SYT1: variants seen among roughly 807,000 people sequenced by gnomAD.
SYT1 encodes synaptotagmin 1, also known as synaptotagmin-1.
In SYT1, 8 loss-of-function variants were observed where a neutral mutation model predicts 44.8. The ratio of observed to expected loss-of-function variants is 0.18; its 90% CI spans 0.10 to 0.32. SYT1 has a LOEUF of 0.32. SYT1 is among the 10% of genes least tolerant of loss of function. The pLI is 1.00. For missense variants in SYT1, 286 were observed against 509.3 expected (o/e 0.56, Z 4.22); for synonymous variants, 154 against 188.8 (o/e 0.82, Z 1.51).
intron 4 of SYT1, among the ~76,000 whole-genome samples, chr12:79,227,206 TAATTTTTTTAAATTAAGGCTTA>T (rs762978383): frequency 4.3e-4 from 65 of 152,300 alleles, no homozygotes; most frequent in Non-Finnish European, 8.1e-4. Flanking sequence ...ATCCAGGCCT[TAATTTTTTTAAATTAAGGCTTA>T]AATTTTTTTT....
intron 2 of SYT1, among the ~76,000 whole-genome samples, chr12:78,987,693 C>A (rs987608885): frequency 2.0e-5 from 3 of 151,996 alleles, no homozygotes; most frequent in African/African-American, 7.2e-5. Flanking sequence ...TATAAAAAAA[C>A]CCTAAAAAGC....
intron 4 of SYT1, among the ~76,000 whole-genome samples, chr12:79,250,230 A>G (rs1877116148): frequency 6.6e-6 from 1 of 152,208 alleles, no homozygotes; most frequent in African/African-American, 2.4e-5. Context: ...CTTTTATAGA[A>G]GTCCTTCCAG....
chr12:79,444,296 C>T (rs2136202234), intron 10 of SYT1, 90 bp downstream of exon 10: 1 of 1,440,080 alleles, frequency 6.9e-7, no homozygotes, highest in African/African-American at 1.4e-5. Flanking sequence ...GTTATCAGTG[C>T]ACATGCCTTC....
intron 3 of SYT1, among the ~76,000 whole-genome samples, chr12:79,057,809 A>G (rs1054814661): frequency 3.9e-5 from 6 of 151,958 alleles, no homozygotes; most frequent in African/African-American, 1.4e-4. Flanking sequence ...TTACAATTAG[A>G]CACAGAAACC....
chr12:79,311,874 G>C (rs1358882965), intron 8 of SYT1, among the ~76,000 whole-genome samples: 23 of 105,006 alleles, frequency 2.2e-4, no homozygotes, highest in African/African-American at 8.0e-4. Flanking sequence ...GTTGTGGGGT[G>C]GGGGGAGGGG....
rs566515890 is a variant in SYT1, at chr12:79,361,055, T to C, written c.928+7436T>C. On this transcript the variant is annotated intron_variant, in intron 9 of 10. Coordinates refer to ENST00000261205, the MANE Select transcript of SYT1 (RefSeq NM_005639.3). Reference sequence around the variant, plus strand: ...GTTAGCCCAAAAACTCCTAAGTAGATTCTTTAGCCAGCAGGTATATATCCA... The same window carrying C: ...GTTAGCCCAAAAACTCCTAAGTAGACTCTTTAGCCAGCAGGTATATATCCA... Among the ~76,000 whole-genome samples the C allele has an allele frequency of 4.6e-5, 7 of 152,210 alleles. No individual in the cohort carries two copies. The South Asian group carries it at 1.4e-3, about 31-fold the overall frequency.
At chr12:79,320,075 A>G (rs1355201932) in intron 8 of SYT1, among the ~76,000 whole-genome samples, 3 of 152,208 alleles carry the variant, frequency 2.0e-5, no homozygotes, top group African/African-American at 7.2e-5. Context: ...TCATAATGCA[A>G]TATAAGCTCT....
intron 2 of SYT1, among the ~76,000 whole-genome samples, chr12:78,988,968 A>G (rs953846804): frequency 5.3e-5 from 8 of 152,116 alleles, no homozygotes; most frequent in African/African-American, 1.2e-4. Context: ...TACACTACTG[A>G]GAAATTAATA....
intron 3 of SYT1, among the ~76,000 whole-genome samples, chr12:79,070,088 A>G (rs1301149131): frequency 6.6e-6 from 1 of 152,168 alleles, no homozygotes; most frequent in Non-Finnish European, 1.5e-5. Context: ...TATTATAACC[A>G]AAGCCTATTC....
intron 3 of SYT1, among the ~76,000 whole-genome samples, chr12:79,213,302 C>T (rs1045481285): frequency 1.5e-4 from 23 of 152,036 alleles, no homozygotes; most frequent in African/African-American, 5.6e-4. Context: ...AAAAACTCCT[C>T]CAAAAAACAG....
At chr12:78,900,040 A>C (rs1393496332) in intron 1 of SYT1, among the ~76,000 whole-genome samples, 1 of 152,068 alleles carries the variant, frequency 6.6e-6, no homozygotes, top group African/African-American at 2.4e-5. Context: ...GTAAGACCAA[A>C]CGCAAATGTG....
intron 4 of SYT1, among the ~76,000 whole-genome samples, chr12:79,240,829 T>C (rs1876460761): frequency 6.6e-6 from 1 of 152,228 alleles, no homozygotes; most frequent in Non-Finnish European, 1.5e-5. Flanking sequence ...GTTGATATTG[T>C]CTTTTATAAG....
At chr12:79,173,722 A>G (rs978732402) in intron 3 of SYT1, among the ~76,000 whole-genome samples, 1 of 152,108 alleles carries the variant, frequency 6.6e-6, no homozygotes, top group Non-Finnish European at 1.5e-5. Flanking sequence ...TAAAACGTCC[A>G]GAAGAAATAA....
chr12:79,226,185 T>C (rs548280582), intron 4 of SYT1, among the ~76,000 whole-genome samples: 4 of 152,258 alleles, frequency 2.6e-5, no homozygotes, highest in Admixed American at 2.6e-4. Context: ...ACATTTTAAA[T>C]TTCCAACACT....
intron 3 of SYT1, among the ~76,000 whole-genome samples, chr12:79,128,196 C>A (rs149502356): frequency 6.6e-6 from 1 of 152,154 alleles, no homozygotes; most frequent in African/African-American, 2.4e-5. Flanking sequence ...TAGTTCAAGA[C>A]CAGCCTGGGC....
chr12:79,211,751 C>A (rs1391491484), intron 3 of SYT1, among the ~76,000 whole-genome samples: 2 of 151,974 alleles, frequency 1.3e-5, no homozygotes, highest in Non-Finnish European at 1.5e-5. Flanking sequence ...TCATCCATGT[C>A]CCTACAAAGG....
At chr12:79,360,151 A>T (rs58979764) in intron 9 of SYT1, among the ~76,000 whole-genome samples, 3,349 of 152,196 alleles carry the variant, frequency 0.022, 121 homozygotes, top group African/African-American at 0.071. Context: ...ATGCTATGTC[A>T]TAATTTTAAC....
chr12:79,286,409 T>C (rs552485182), intron 5 of SYT1, among the ~76,000 whole-genome samples: 3 of 152,320 alleles, frequency 2.0e-5, no homozygotes, highest in African/African-American at 7.2e-5. Flanking sequence ...TCAAACTGGA[T>C]GAAAGCTGCT....
At chr12:79,378,615 A>G (rs1302881258) in intron 9 of SYT1, among the ~76,000 whole-genome samples, 1 of 152,232 alleles carries the variant, frequency 6.6e-6, no homozygotes, top group Non-Finnish European at 1.5e-5. Context: ...CCACTTGTGA[A>G]GGTCAAAAGC....
Sources: gnomAD v4.1 joint callset for allele counts (sites outside exome capture counted in the v4.1 genomes callset) on GRCh38, gnomAD v4.1.1 for gene constraint, MANE v1.5 for transcripts, NCBI Gene and HGNC (gene_info 2026-07-23, HGNC 2026-07-21) for gene names.